Variants in KIAA1549 observed in about 807,000 individuals in gnomAD.
The protein encoded by KIAA1549 is KIAA1549, also known as UPF0606 protein KIAA1549.
A neutral mutation model predicts 156.4 loss-of-function variants in KIAA1549; 70 were observed. The observed-to-expected ratio is 0.45, with a 90% CI of 0.37 to 0.55. KIAA1549 has a LOEUF of 0.55. Ranked by LOEUF, KIAA1549 falls within the 20% of genes least tolerant of loss-of-function variation. The pLI, the probability that KIAA1549 is intolerant of heterozygous loss-of-function variation, is 0.00. For synonymous variants in KIAA1549, 1,103 were observed against 1,066.4 expected (o/e 1.03, Z -0.67); for missense variants, 2,428 against 2,540.9 (o/e 0.96, Z 0.96).
intron 18 of KIAA1549, among the ~76,000 whole-genome samples, chr7:138,840,608 C>T (rs888920314): frequency 2.0e-5 from 3 of 152,190 alleles, no homozygotes; most frequent in Admixed American, 6.5e-5. Flanking sequence ...GACCCCGTGA[C>T]ATTCATCCCT....
intron 8 of KIAA1549, among the ~76,000 whole-genome samples, chr7:138,899,454 G>A (rs1811780718): frequency 6.6e-6 from 1 of 152,196 alleles, no homozygotes; most frequent in Non-Finnish European, 1.5e-5. Flanking sequence ...CTGATGTGCT[G>A]ACCACGTCAT....
In KIAA1549 at chr7:138,909,067, C is replaced by A. The variant is rs1047219909; in HGVS notation, c.3200G>T (p.Arg1067Leu). The A allele has an allele frequency of 6.2e-7, 1 of 1,613,884 alleles. No homozygotes were observed. The highest frequency in any genetic ancestry group is 8.5e-7 in the Non-Finnish European group (1 of 1,179,836). ...VDTGFCNFTQRIEKGLMTALF... is the reference protein window; with the variant it reads ...VDTGFCNFTQLIEKGLMTALF... ...AGCTGTCATTAGGCCTTTCTCAATG[C>A]GCTGGGTGAAGTTGCAGAAGCCAGT... is the stretch of plus-strand genomic sequence containing the variant. The change falls in exon 5 of 20, where the codon CGC (arginine) becomes CTC (leucine). Residue 1067 changes from arginine (R) to leucine (L), a missense_variant. This residue lies in a region of KIAA1549 where 762 missense variants were observed against 901.6 expected (regional missense o/e 0.85). Coordinates refer to ENST00000422774, the MANE Select transcript of KIAA1549 (RefSeq NM_001164665.2).
chr7:138,918,940 A>T lies in KIAA1549; in HGVS notation c.686T>A (p.Phe229Tyr). Reference protein sequence around the residue: ...PAAYAESASHFHTFRSAFRTS... With the variant: ...PAAYAESASHYHTFRSAFRTS... ...GCGAAAAGCTGACCGAAAGGTGTGG[A>T]AATGACTGGCGGACTCAGCATATGC... Residue 229 changes from phenylalanine (F) to tyrosine (Y), a missense_variant, in exon 2 of 20, where the codon TTC (phenylalanine) becomes TAC (tyrosine). Physicochemically the swap from Phe to Tyr is conservative, Grantham distance 22. Coordinates refer to ENST00000422774, the MANE Select transcript of KIAA1549 (RefSeq NM_001164665.2). This position sits in a 1 kb window ranked among gnomAD's most constrained non-coding sequence, Gnocchi z 4.2. 1 of 1,614,040 alleles carries T rather than the reference A, an allele frequency of 6.2e-7. No individual in the cohort carries two copies. Among genetic ancestry groups the T allele is most frequent in the Non-Finnish European group, 8.5e-7 (1 of 1,179,906 alleles).
rs191998447 is a variant in KIAA1549, at chr7:138,886,783, G to A, written c.4033-5199C>T. ...CCACTCCACCACTTCAGCAGTTCAT[G>A]AGCATAACAGCCCCTCAGCCTTTTG... On this transcript the variant is annotated intron_variant, in intron 10 of 19. Coordinates refer to ENST00000422774, the MANE Select transcript of KIAA1549 (RefSeq NM_001164665.2). Among the ~76,000 whole-genome samples the A allele has an allele frequency of 3.8e-3, 577 of 152,278 alleles. 2 individuals are homozygous for A. The highest frequency in any genetic ancestry group is 6.3e-3 in the Non-Finnish European group (428 of 68,012).
Position 138,844,328 on chromosome 7 carries a change from C to T in KIAA1549, c.5441G>A (p.Gly1814Glu), listed in dbSNP as rs773456867. The change falls in exon 18 of 20, where the codon GGG (glycine) becomes GAG (glutamate). Residue 1814 changes from glycine (G) to glutamate (E), a missense_variant. This residue lies in a region of KIAA1549 where 363 missense variants were observed against 354.0 expected (regional missense o/e 1.03). Transcript: ENST00000422774. ...MPSVARPRPV[G>E]GTTGSQIQHL... is the part of the protein sequence containing the mutation. ...ACAGCCACATATACCTGTGGTACCCCCGACAGGCCGAGGCCGGGCCACCGA... is the reference window on the plus strand; with the variant it reads ...ACAGCCACATATACCTGTGGTACCCTCGACAGGCCGAGGCCGGGCCACCGA... The T allele has an allele frequency of 1.9e-6, 3 of 1,613,916 alleles. No individual in the cohort carries two copies. The South Asian group carries it at 3.3e-5, about 18-fold the overall frequency.
At chr7:138,906,006 CA>C (rs1811996260) in intron 6 of KIAA1549, among the ~76,000 whole-genome samples, 1 of 152,178 alleles carries the variant, frequency 6.6e-6, no homozygotes, top group South Asian at 2.1e-4. Flanking sequence ...CTCTGACAAC[CA>C]CAGATTCGTC....
intron 10 of KIAA1549, among the ~76,000 whole-genome samples, chr7:138,891,070 C>T (rs926828083): frequency 1.3e-5 from 2 of 152,370 alleles, no homozygotes; most frequent in East Asian, 3.9e-4. Context: ...GGGTGCCCCC[C>T]TCCTCTGTGT....
intron 1 of KIAA1549, among the ~76,000 whole-genome samples, chr7:138,967,762 G>A (rs964118807): frequency 2.0e-5 from 3 of 152,162 alleles, no homozygotes; most frequent in African/African-American, 7.2e-5. Context: ...CCAAGGTGGA[G>A]AGGCCCCAAG....
At chr7:138,894,210 C>T in intron 10 of KIAA1549, 132 bp downstream of exon 10, 1 of 847,802 alleles carries the variant, frequency 1.2e-6, no homozygotes, top group South Asian at 1.7e-5. Flanking sequence ...AGTGATACCA[C>T]TATTAAAGCC....
chr7:138,977,760 C>G (rs1231417998), intron 1 of KIAA1549, among the ~76,000 whole-genome samples: 3 of 152,004 alleles, frequency 2.0e-5, no homozygotes, highest in Non-Finnish European at 4.4e-5. Flanking sequence ...AGTACAATGG[C>G]GCCATCTCGG....
At chr7:138,879,213 A>G (rs1811172836) in intron 12 of KIAA1549, among the ~76,000 whole-genome samples, 2 of 152,186 alleles carry the variant, frequency 1.3e-5, no homozygotes, top group Non-Finnish European at 2.9e-5. Context: ...TAAGAAAGCT[A>G]TTGAATCCTG....
At chr7:138,852,357 G>A in intron 16 of KIAA1549, 88 bp from the exon 17 acceptor site, 2 of 847,956 alleles carry the variant, frequency 2.4e-6, no homozygotes, top group Admixed American at 3.0e-5. Context: ...AGCTTTACAG[G>A]ATCAACTTTC....
At chr7:138,847,524 G>C (rs375715291) in intron 17 of KIAA1549, among the ~76,000 whole-genome samples, 4 of 152,316 alleles carry the variant, frequency 2.6e-5, no homozygotes, top group East Asian at 3.9e-4. Flanking sequence ...GGCTGGGTTT[G>C]GTTTCTGAGA....
chr7:138,894,196 G>A lies in KIAA1549; in HGVS notation c.4032+146C>T, dbSNP rs1811617915. ...AGGGTTTCAGGAAGCAGAAACAAAG[G>A]CAAAGTGATACCACTATTAAAGCCA... On this transcript the variant is annotated intron_variant, in intron 10 of 19. Transcript: ENST00000422774. 21 of 735,086 alleles carry A rather than the reference G, an allele frequency of 2.9e-5. No individual in the cohort carries two copies. The South Asian group carries it at 3.8e-4, about 13-fold the overall frequency. The allele number at this position is 735,086 out of a possible 1,614,324, so 45.5% of individuals were successfully genotyped here.
chr7:138,909,682 C>T (rs1450900120), intron 4 of KIAA1549, among the ~76,000 whole-genome samples: 1 of 152,210 alleles, frequency 6.6e-6, no homozygotes, highest in East Asian at 1.9e-4. Flanking sequence ...TACAGCGGCT[C>T]ACGCCTGTAA....
intron 16 of KIAA1549, 75 bp downstream of exon 16, chr7:138,861,064 C>A (rs1260233652): frequency 1.4e-6 from 2 of 1,478,368 alleles, no homozygotes; most frequent in Non-Finnish European, 1.9e-6. Flanking sequence ...TTGTGCGGAG[C>A]CTGAAAGTCA....
At chr7:138,840,460 C>T (rs919187638) in intron 18 of KIAA1549, among the ~76,000 whole-genome samples, 182 bp from the exon 19 acceptor site, 3 of 151,866 alleles carry the variant, frequency 2.0e-5, no homozygotes, top group African/African-American at 7.3e-5. Context: ...GTCAGCATTT[C>T]CTGAGGGTCC....
chr7:138,893,836 C>T (rs1470685875), intron 10 of KIAA1549, among the ~76,000 whole-genome samples: 4 of 152,194 alleles, frequency 2.6e-5, no homozygotes, highest in Non-Finnish European at 5.9e-5. Flanking sequence ...TTCGGGAGGC[C>T]AAGGCAGGCA....
chr7:138,875,059 T>G (rs1470704280), intron 12 of KIAA1549, among the ~76,000 whole-genome samples: 1 of 152,192 alleles, frequency 6.6e-6, no homozygotes, highest in Non-Finnish European at 1.5e-5. Context: ...GTAGGCACTG[T>G]AGGGTAACTC....
Sources: allele counts gnomAD v4.1 joint callset (sites outside exome capture counted in the v4.1 genomes callset), GRCh38; gene constraint gnomAD v4.1.1; regional missense constraint gnomAD v4.1.1; non-coding constraint Gnocchi (gnomAD v3.1); transcripts MANE v1.5; gene names NCBI Gene and HGNC (gene_info 2026-07-23, HGNC 2026-07-21).